The following FGD4 variants were observed in gnomAD, a reference collection of about 807,000 sequenced individuals.
FGD4 encodes FYVE, RhoGEF and PH domain containing 4.
Under a neutral mutation model 102.0 loss-of-function variants are expected in FGD4, and 42 were observed. The observed-to-expected ratio is 0.41, with a 90% CI of 0.32 to 0.53. FGD4 has a LOEUF of 0.53. FGD4 is among the 20% of genes least tolerant of loss of function. The pLI is 0.21. For synonymous variants in FGD4, 380 were observed against 375.7 expected, an observed-to-expected ratio of 1.01 and a Z score of -0.13; for missense variants, 902 against 1,078.2, an observed-to-expected ratio of 0.84 and a Z score of 2.29.
At chr12:32,625,388 G>A (rs1483422726) in intron 13 of FGD4, among the ~76,000 whole-genome samples, 1 of 149,912 alleles carries the variant, frequency 6.7e-6, no homozygotes, top group Non-Finnish European at 1.5e-5. Flanking sequence ...TCCTGCCTTA[G>A]CCTCCCGAGT....
intron 1 of FGD4, among the ~76,000 whole-genome samples, chr12:32,532,921 A>T (rs1225917074): frequency 2.0e-5 from 3 of 152,234 alleles, no homozygotes; most frequent in African/African-American, 4.8e-5. Flanking sequence ...TTCTGTTATT[A>T]AAAAAGTACC....
Position 32,619,540 on chromosome 12 carries a change from G to T in FGD4, c.1750-158G>T, listed in dbSNP as rs138630702. 0.014 allele frequency among the ~76,000 whole-genome samples: 2,057 copies of T among 152,162 alleles called. 43 individuals carry two copies. The highest frequency in any genetic ancestry group is 0.047 in the African/African-American group (1,962 of 41,498). The stretch of plus-strand genomic sequence containing the variant: ...CCAGCTACCCGGGAGGCTGAGGCAG[G>T]AGAATGGCGTGAACCCGGGAGGCAG... On this transcript the variant is annotated intron_variant, in intron 10 of 16. Transcript: ENST00000534526.
chr12:32,574,423 A>C lies in FGD4; in HGVS notation c.320-1843A>C, dbSNP rs558296695. 2.0e-5 allele frequency among the ~76,000 whole-genome samples: 3 copies of C among 147,862 alleles called. No individual in the cohort carries two copies. In the South Asian group the frequency reaches 6.4e-4, roughly 31 times the overall value. ...AATGTTAAAAGGGTTTTTTGGTGGG[A>C]GATTTTCCTGTTTTGCTACATTAGT... On this transcript the variant is annotated intron_variant, in intron 2 of 16. Transcript: ENST00000534526.
intron 4 of FGD4, among the ~76,000 whole-genome samples, chr12:32,594,110 C>T (rs79335833): frequency 0.024 from 3,666 of 152,172 alleles, 129 homozygotes; most frequent in African/African-American, 0.084. Flanking sequence ...GTCCTCAGCC[C>T]GTAGGCCACG....
intron 1 of FGD4, among the ~76,000 whole-genome samples, chr12:32,538,443 CTCTTT>C (rs1426768711): frequency 6.6e-6 from 1 of 152,152 alleles, no homozygotes; most frequent in Non-Finnish European, 1.5e-5. Flanking sequence ...CCCTTCAGTT[CTCTTT>C]TAAGAATAAA....
chr12:32,497,887 C>T (rs1021553069), intron 1 of FGD4, among the ~76,000 whole-genome samples: 1 of 152,182 alleles, frequency 6.6e-6, no homozygotes, highest in Non-Finnish European at 1.5e-5. Context: ...ATAAATGTTT[C>T]TTGTCTTTGC....
intron 1 of FGD4, among the ~76,000 whole-genome samples, chr12:32,453,502 G>A (rs142521354): frequency 0.038 from 5,741 of 151,696 alleles, 169 homozygotes; most frequent in South Asian, 0.12. Context: ...CCAAAGTGCT[G>A]GGATTACAGG....
At chr12:32,587,211 A>AAT (rs1947119937) in intron 4 of FGD4, among the ~76,000 whole-genome samples, 1 of 149,646 alleles carries the variant, frequency 6.7e-6, no homozygotes, top group African/African-American at 2.5e-5. Flanking sequence ...AAAAAAAAAA[A>AAT]ATTCTGGAAG....
At chr12:32,568,351 A>G (rs769200807) in intron 2 of FGD4, among the ~76,000 whole-genome samples, 1 of 152,206 alleles carries the variant, frequency 6.6e-6, no homozygotes, top group Non-Finnish European at 1.5e-5. Flanking sequence ...CAGCCTCAGA[A>G]AATACCCTAA....
intron 1 of FGD4, among the ~76,000 whole-genome samples, chr12:32,494,701 G>A (rs1253677517): frequency 6.6e-6 from 1 of 152,164 alleles, no homozygotes; most frequent in Non-Finnish European, 1.5e-5. Flanking sequence ...TTGTGAGAAG[G>A]CCAGGGAGGA....
intron 1 of FGD4, among the ~76,000 whole-genome samples, chr12:32,408,655 A>G (rs761552336): frequency 2.0e-5 from 3 of 151,922 alleles, no homozygotes; most frequent in Non-Finnish European, 4.4e-5. Flanking sequence ...TCACTTCTTC[A>G]TCTTCTCACC....
At chr12:32,606,668 A>G (rs541485429) in intron 7 of FGD4, among the ~76,000 whole-genome samples, 13 of 152,278 alleles carry the variant, frequency 8.5e-5, no homozygotes, top group African/African-American at 3.1e-4. Flanking sequence ...CTTCAAATGC[A>G]AACACCATGT....
rs370462183 is a variant in FGD4, at chr12:32,465,003, G to C, written c.166+65044G>C. Among the ~76,000 whole-genome samples, 7 of 152,126 alleles carry C rather than the reference G, an allele frequency of 4.6e-5. No homozygotes were observed. The South Asian group carries it at 1.5e-3, about 32-fold the overall frequency. On this transcript the variant is annotated intron_variant, in intron 1 of 16. Transcript: ENST00000534526. ...TTGTGATTAAATTGTGATGTAATAG[G>C]GATTAAAGCCAGAGAAGAGTAGTGG...
At chr12:32,520,452 T>C (rs993133736) in intron 1 of FGD4, among the ~76,000 whole-genome samples, 14 of 151,006 alleles carry the variant, frequency 9.3e-5, no homozygotes, top group Non-Finnish European at 1.9e-4. Flanking sequence ...TTTTTTTTTT[T>C]AGAGATGGAG....
At position 32,403,119 on chromosome 12, in the gene FGD4, T is replaced by C. The variant is rs555554532; in HGVS notation, c.166+3160T>C. 5.0e-3 allele frequency among the ~76,000 whole-genome samples: 728 copies of C among 145,382 alleles called. 7 individuals are homozygous for C. The highest frequency in any genetic ancestry group is 0.013 in the African/African-American group (540 of 41,188). ...CTCAATTGAAATGTCACTTTCCCTCTTAAAGAAGAAGGAACAAAAACTGAA... is the reference window on the plus strand; with the variant it reads ...CTCAATTGAAATGTCACTTTCCCTCCTAAAGAAGAAGGAACAAAAACTGAA... On this transcript the variant is annotated intron_variant, in intron 1 of 16. Coordinates refer to ENST00000534526, the MANE Select transcript of FGD4 (RefSeq NM_001370298.3).
chr12:32,411,176 G>A (rs1181799292), intron 1 of FGD4, among the ~76,000 whole-genome samples: 2 of 150,976 alleles, frequency 1.3e-5, no homozygotes, highest in African/African-American at 4.9e-5. Context: ...CAATCCACCC[G>A]GCTCAGCCTC....
chr12:32,521,371 T>TAAA (rs1565797688), intron 1 of FGD4, among the ~76,000 whole-genome samples: 1 of 48,914 alleles, frequency 2.0e-5, no homozygotes, highest in African/African-American at 7.4e-5. Context: ...AGACTCCGTC[T>TAAA]CAAAAAAAAA....
chr12:32,580,844 G>A (rs1463504943), intron 3 of FGD4, among the ~76,000 whole-genome samples: 6 of 148,384 alleles, frequency 4.0e-5, no homozygotes, highest in South Asian at 4.3e-4. Flanking sequence ...CCAAGATTGC[G>A]CCACTGCACT....
intron 1 of FGD4, among the ~76,000 whole-genome samples, chr12:32,479,144 A>C (rs1442750371): frequency 3.3e-5 from 5 of 152,218 alleles, no homozygotes; most frequent in Non-Finnish European, 7.3e-5. Flanking sequence ...CTTGGTCTTC[A>C]GTCTTCACAA....
Sources: gnomAD v4.1 joint callset for allele counts (sites outside exome capture counted in the v4.1 genomes callset) on GRCh38, gnomAD v4.1.1 for gene constraint, MANE v1.5 for transcripts, NCBI Gene and HGNC (gene_info 2026-07-23, HGNC 2026-07-21) for gene names.